The following SOX5 variants were observed in gnomAD, a reference collection of about 807,000 sequenced individuals.
SOX5 encodes the protein transcription factor SOX-5.
In SOX5, 9 loss-of-function variants were observed where a neutral mutation model predicts 92.0. The ratio of observed to expected loss-of-function variants is 0.10; its 90% CI spans 0.06 to 0.17. The LOEUF is 0.17. SOX5 is among the 10% of genes least tolerant of loss of function. SOX5 has a pLI of 1.00. For synonymous variants in SOX5, 344 were observed against 336.3 expected, an observed-to-expected ratio of 1.02 and a Z score of -0.25; for missense variants, 642 against 944.5, an observed-to-expected ratio of 0.68 and a Z score of 4.20.
chr12:24,446,087 C>T (rs1941428622), intron 1 of SOX5, among the ~76,000 whole-genome samples: 1 of 152,128 alleles, frequency 6.6e-6, no homozygotes, highest in African/African-American at 2.4e-5. Context: ...ATTGCAATCT[C>T]CTATGTGCTA....
chr12:24,376,290 G>C (rs1957250395), intron 1 of SOX5, among the ~76,000 whole-genome samples: 1 of 152,166 alleles, frequency 6.6e-6, no homozygotes. Context: ...GAACCCATGG[G>C]CCTTATTCTC....
intron 1 of SOX5, among the ~76,000 whole-genome samples, chr12:23,916,191 T>C (rs775755651): frequency 1.3e-5 from 2 of 152,222 alleles, no homozygotes; most frequent in Non-Finnish European, 2.9e-5. Flanking sequence ...CTATCATCAA[T>C]AATTTTGGCC....
chr12:23,850,299 C>A lies in SOX5; in HGVS notation c.271-4106G>T, dbSNP rs140603432. Among the ~76,000 whole-genome samples the A allele has an allele frequency of 5.0e-3, 752 of 151,600 alleles. 18 individuals are homozygous for A. Among genetic ancestry groups the A allele is most frequent in the East Asian group, 0.023 (116 of 5,142 alleles). ...CAAAAATTAGCTGGGCGTGGTGGCG[C>A]GCACCTGTAATCCCGGCTACTCTGG... is the stretch of plus-strand genomic sequence containing the variant. On this transcript the variant is annotated intron_variant, in intron 2 of 14. Transcript: ENST00000451604.
In SOX5 at chr12:24,344,111, C is replaced by T. The variant is rs140368765; in HGVS notation, c.-174+24452G>A. ...CATCCTGACCAACATGGTGAAACCC[C>T]GTCTCTACTAAAAATACAAAAATTA... On this transcript the variant is annotated intron_variant, in intron 2 of 4. Transcript: ENST00000446891. Among the ~76,000 whole-genome samples, 758 of 151,844 alleles carry T rather than the reference C, an allele frequency of 5.0e-3. 4 individuals carry two copies. The highest frequency in any genetic ancestry group is 0.017 in the African/African-American group (720 of 41,400).
intron 1 of SOX5, among the ~76,000 whole-genome samples, chr12:24,407,130 TC>T (rs2136719947): frequency 6.6e-6 from 1 of 152,098 alleles, no homozygotes; most frequent in South Asian, 2.1e-4. Flanking sequence ...CCCAAGAGTT[TC>T]CTCTGGGCCT....
At chr12:23,547,711 T>C (rs543627140) in intron 11 of SOX5, among the ~76,000 whole-genome samples, 6 of 152,246 alleles carry the variant, frequency 3.9e-5, no homozygotes, top group African/African-American at 1.2e-4. Context: ...TATTTTTAAA[T>C]TGTCAATCAG....
intron 8 of SOX5, among the ~76,000 whole-genome samples, chr12:23,624,256 G>A (rs1482761502): frequency 7.2e-5 from 11 of 152,030 alleles, no homozygotes; most frequent in Non-Finnish European, 8.8e-5. Flanking sequence ...TTCTGGAGAC[G>A]GGTAGTGGTG....
intron 1 of SOX5, among the ~76,000 whole-genome samples, chr12:24,459,163 TTAAGG>T (rs1943349067): frequency 6.6e-6 from 1 of 152,158 alleles, no homozygotes; most frequent in African/African-American, 2.4e-5. Context: ...TATGCCCCAC[TTAAGG>T]TCCTTTGTCA....
intron 1 of SOX5, among the ~76,000 whole-genome samples, chr12:24,398,569 T>G (rs143995657): frequency 2.8e-4 from 42 of 152,232 alleles, no homozygotes; most frequent in Non-Finnish European, 4.6e-4. Flanking sequence ...ACACACACAG[T>G]GGTACTTGTG....
chr12:24,145,679 T>G (rs1361442997), intron 4 of SOX5, among the ~76,000 whole-genome samples: 1 of 152,132 alleles, frequency 6.6e-6, no homozygotes, highest in Non-Finnish European at 1.5e-5. Context: ...ATCTTTTTTG[T>G]ATTCTTTTGT....
intron 9 of SOX5, among the ~76,000 whole-genome samples, chr12:23,592,189 G>A (rs1244608732): frequency 6.6e-6 from 1 of 151,826 alleles, no homozygotes; most frequent in African/African-American, 2.4e-5. Flanking sequence ...TCTTGGTATT[G>A]GTAAAAAATT....
At position 23,532,947 on chromosome 12, in the gene SOX5, C is replaced by T. The variant is rs926970877; in HGVS notation, c.*1272G>A. ...AAAACAAAAATCACTAAGTAGCAAA[C>T]GTTAATGGAACCAACTGACCAGGGA... On this transcript the variant is annotated 3_prime_UTR_variant, in exon 15 of 15. Coordinates refer to ENST00000451604, the MANE Select transcript of SOX5 (RefSeq NM_006940.6). 3 of 167,810 alleles carry T rather than the reference C, an allele frequency of 1.8e-5. No homozygotes were observed. Among genetic ancestry groups the T allele is most frequent in the Non-Finnish European group, 2.6e-5 (2 of 76,506 alleles). 10.4% of individuals were successfully genotyped at this position (167,810 alleles called of 1,614,324 possible). A position where few individuals can be genotyped will look rare whatever the true frequency, so the allele number is the denominator to read the frequency against.
chr12:23,631,362 A>G (rs549254439), intron 8 of SOX5, among the ~76,000 whole-genome samples: 2 of 152,252 alleles, frequency 1.3e-5, no homozygotes, highest in African/African-American at 4.8e-5. Flanking sequence ...TAAGATAAAC[A>G]TAATCTGTGA....
At chr12:23,794,338 T>C (rs1037262614) in intron 3 of SOX5, among the ~76,000 whole-genome samples, 8 of 152,154 alleles carry the variant, frequency 5.3e-5, no homozygotes, top group African/African-American at 9.6e-5. Flanking sequence ...AAATTCTCTT[T>C]AGAGTTTTCA....
chr12:23,613,144 A>AG (rs774154685), intron 8 of SOX5, among the ~76,000 whole-genome samples: 3 of 152,316 alleles, frequency 2.0e-5, no homozygotes, highest in Middle Eastern at 6.8e-3. Flanking sequence ...GCTGAATACC[A>AG]GGACAGAAGT....
intron 1 of SOX5, among the ~76,000 whole-genome samples, chr12:24,422,318 G>C (rs12320021): frequency 0.029 from 4,480 of 152,092 alleles, 219 homozygotes; most frequent in African/African-American, 0.097. Context: ...CCCATCCCAA[G>C]GAAATTAGGA....
intron 10 of SOX5, among the ~76,000 whole-genome samples, chr12:23,570,772 G>A (rs910481862): frequency 8.0e-5 from 12 of 150,926 alleles, no homozygotes; most frequent in South Asian, 4.2e-4. Flanking sequence ...TTAGCCGGGC[G>A]TGGTGGCAGG....
chr12:24,065,645 C>CAAAAAAAAAAAAAAAAAAA (rs71445983), intron 4 of SOX5, among the ~76,000 whole-genome samples: 5 of 81,654 alleles, frequency 6.1e-5, no homozygotes, highest in African/African-American at 1.1e-4. Flanking sequence ...GACTCCATCT[C>CAAAAAAAAAAAAAAAAAAA]AAAAAAAAAA....
intron 1 of SOX5, among the ~76,000 whole-genome samples, chr12:23,906,392 C>T (rs1465059325): frequency 6.6e-6 from 1 of 152,184 alleles, no homozygotes; most frequent in Non-Finnish European, 1.5e-5. Flanking sequence ...GCTCTAAGTC[C>T]ACAGGATGTG....
Sources: allele counts gnomAD v4.1 joint callset (sites outside exome capture counted in the v4.1 genomes callset), GRCh38; gene constraint gnomAD v4.1.1; transcripts MANE v1.5; gene names NCBI Gene and HGNC (gene_info 2026-07-23, HGNC 2026-07-21).